BMP6: variants seen among roughly 807,000 people sequenced by gnomAD.
The protein encoded by BMP6 is VG-1-R.
A neutral mutation model predicts 54.1 loss-of-function variants in BMP6; 17 were observed. That is an observed-to-expected ratio of 0.31 (90% CI 0.22 to 0.47). BMP6 has a LOEUF of 0.47. BMP6 is among the 20% of genes least tolerant of loss of function. BMP6 has a pLI of 1.00. For synonymous variants in BMP6, 328 were observed against 291.2 expected, an observed-to-expected ratio of 1.13 and a Z score of -1.28; for missense variants, 720 against 690.4, an observed-to-expected ratio of 1.04 and a Z score of -0.48.
chr6:7,770,047 C>T lies in BMP6; in HGVS notation c.664+42428C>T, dbSNP rs1028728868. Reference sequence around the variant, plus strand: ...CTATGTCCCCTCCTCCAACACCACCCCCCTGCACCTCCCCTCGCCCCCTTT... The same window carrying T: ...CTATGTCCCCTCCTCCAACACCACCTCCCTGCACCTCCCCTCGCCCCCTTT... On this transcript the variant is annotated intron_variant, in intron 1 of 6. Transcript: ENST00000283147. Among the ~76,000 whole-genome samples the T allele has an allele frequency of 3.3e-5, 5 of 152,098 alleles. No individual in the cohort carries two copies. In the East Asian group the frequency reaches 9.6e-4, roughly 29 times the overall value.
intron 1 of BMP6, among the ~76,000 whole-genome samples, chr6:7,774,717 T>G (rs1346936586): frequency 6.6e-6 from 1 of 152,164 alleles, no homozygotes; most frequent in Non-Finnish European, 1.5e-5. Flanking sequence ...AAAAAAAAGA[T>G]CAACACAATA....
chr6:7,753,076 A>G (rs1254652450), intron 1 of BMP6, among the ~76,000 whole-genome samples: 1 of 152,082 alleles, frequency 6.6e-6, no homozygotes, highest in African/African-American at 2.4e-5. Flanking sequence ...AAAAAAAAAT[A>G]CTGGTTGGAG....
chr6:7,866,369 G>A (rs1759423923), intron 4 of BMP6, among the ~76,000 whole-genome samples: 1 of 152,168 alleles, frequency 6.6e-6, no homozygotes, highest in African/African-American at 2.4e-5. Context: ...CTGTCCTCAG[G>A]TTCTATAGCT....
intron 1 of BMP6, among the ~76,000 whole-genome samples, chr6:7,791,057 A>G (rs1758097372): frequency 6.6e-6 from 1 of 151,802 alleles, no homozygotes; most frequent in African/African-American, 2.4e-5. Context: ...CAAAATCCAA[A>G]AGTATGGTCT....
chr6:7,857,314 A>G (rs896062975), intron 2 of BMP6, among the ~76,000 whole-genome samples: 6 of 152,238 alleles, frequency 3.9e-5, no homozygotes, highest in Admixed American at 1.3e-4. Flanking sequence ...GATGACCACA[A>G]TGTGAGGAAT....
At chr6:7,754,475 A>G (rs1757479631) in intron 1 of BMP6, among the ~76,000 whole-genome samples, 1 of 152,092 alleles carries the variant, frequency 6.6e-6, no homozygotes, top group African/African-American at 2.4e-5. Flanking sequence ...TCCAACTATA[A>G]TTAAGGATTT....
intron 1 of BMP6, among the ~76,000 whole-genome samples, chr6:7,837,085 T>G (rs569338956): frequency 1.3e-5 from 2 of 152,244 alleles, no homozygotes; most frequent in African/African-American, 2.4e-5. Flanking sequence ...TTAACTAATC[T>G]AGACTAAATT....
intron 1 of BMP6, among the ~76,000 whole-genome samples, chr6:7,837,694 A>G (rs1198244008): frequency 6.6e-6 from 1 of 152,166 alleles, no homozygotes; most frequent in African/African-American, 2.4e-5. Flanking sequence ...TTCAGTGTAC[A>G]CTGCTTGGGC....
rs1310044257 is a variant in BMP6, at chr6:7,726,716, C to G, written c.-240C>G. ...AGACCTGCGCGAGGCTGTGAGGCTC[C>G]CCTTCCTCCCCTCCAAGCGGTTCTC... On this transcript the variant is annotated 5_prime_UTR_variant, in exon 1 of 7. Transcript: ENST00000283147. 5.6e-6 allele frequency: 1 copy of G among 179,606 alleles called. No individual in the cohort carries two copies. The highest frequency in any genetic ancestry group is 2.0e-4 in the South Asian group (1 of 5,114). The allele number at this position is 179,606 out of a possible 1,614,324, so 11.1% of individuals were successfully genotyped here. A position where few individuals can be genotyped will look rare whatever the true frequency, so the allele number is the denominator to read the frequency against.
At chr6:7,808,234 GA>G (rs777577320) in intron 1 of BMP6, among the ~76,000 whole-genome samples, 1 of 152,124 alleles carries the variant, frequency 6.6e-6, no homozygotes, top group African/African-American at 2.4e-5. Flanking sequence ...ATGTTAAAAG[GA>G]AAGAAAATAT....
At chr6:7,768,661 C>T (rs114748558) in intron 1 of BMP6, among the ~76,000 whole-genome samples, 1,603 of 152,256 alleles carry the variant, frequency 0.011, 39 homozygotes, top group African/African-American at 0.036. Context: ...GAAAAAAAGT[C>T]GCTCCACCCA....
chr6:7,781,081 G>A (rs1057082796), intron 1 of BMP6, among the ~76,000 whole-genome samples: 3 of 152,170 alleles, frequency 2.0e-5, no homozygotes, highest in African/African-American at 7.2e-5. Context: ...TCGTGTTGCT[G>A]TCCTTTATTT....
chr6:7,779,342 A>T (rs6925450), intron 1 of BMP6, among the ~76,000 whole-genome samples: 2,067 of 146,704 alleles, frequency 0.014, 23 homozygotes, highest in African/African-American at 0.034. Context: ...TTTTTTTTTT[A>T]AATTTCTTGA....
Position 7,881,519 on chromosome 6 carries a change from T to TA in BMP6, c.*1176_*1177insA, listed in dbSNP as rs1581299736. On this transcript the variant is annotated 3_prime_UTR_variant, in exon 7 of 7. Coordinates refer to ENST00000283147, the MANE Select transcript of BMP6 (RefSeq NM_001718.6). ...TAACATTGAAGGAAAGACCAGACTT[T>TA]TAAAAAAAAAGAGTTTATTTAGAAA... The TA allele has an allele frequency of 6.6e-6, 1 of 152,120 alleles. No individual in the cohort carries two copies. The highest frequency in any genetic ancestry group is 1.9e-4 in the East Asian group (1 of 5,188). The allele number at this position is 152,120 out of a possible 1,614,324, so 9.4% of individuals were successfully genotyped here.
chr6:7,784,477 A>T (rs937323975), intron 1 of BMP6, among the ~76,000 whole-genome samples: 1 of 152,152 alleles, frequency 6.6e-6, no homozygotes, highest in Non-Finnish European at 1.5e-5. Flanking sequence ...GGATCACGTG[A>T]TAGTAAAGTG....
At chr6:7,838,713 C>T (rs1356288004) in intron 1 of BMP6, among the ~76,000 whole-genome samples, 8 of 152,118 alleles carry the variant, frequency 5.3e-5, no homozygotes, top group Non-Finnish European at 1.0e-4. Context: ...GAGGCCGAGG[C>T]GGGTGGATCA....
chr6:7,813,108 A>AAAAAAAAAAAATATAT (rs1554122651), intron 1 of BMP6, among the ~76,000 whole-genome samples: 1 of 21,492 alleles, frequency 4.7e-5, no homozygotes, highest in East Asian at 2.5e-3. Flanking sequence ...AAAAAAAAAA[A>AAAAAAAAAAAATATAT]ATATATATAT....
At chr6:7,829,413 A>T (rs550827983) in intron 1 of BMP6, among the ~76,000 whole-genome samples, 2 of 152,124 alleles carry the variant, frequency 1.3e-5, no homozygotes, top group Non-Finnish European at 2.9e-5. Flanking sequence ...TCTTAAAAAG[A>T]CTGCAGTTAG....
intron 5 of BMP6, 51 bp from the exon 6 acceptor site, chr6:7,879,940 G>A: frequency 6.5e-7 from 1 of 1,536,854 alleles, no homozygotes. Context: ...AGCACAAATA[G>A]TGTGAGAAGT....
Sources: allele counts gnomAD v4.1 joint callset (sites outside exome capture counted in the v4.1 genomes callset), GRCh38; gene constraint gnomAD v4.1.1; transcripts MANE v1.5; gene names NCBI Gene and HGNC (gene_info 2026-07-23, HGNC 2026-07-21).